The following RALYL variants were observed in gnomAD, a reference collection of about 807,000 sequenced individuals.
RALYL encodes the protein RNA-binding Raly-like protein.
RALYL carries 29 observed loss-of-function variants against 35.1 expected under a neutral mutation model. That is an observed-to-expected ratio of 0.83 (90% confidence interval 0.61 to 1.13). The LOEUF (loss-of-function observed/expected upper bound fraction) is 1.13, where lower values mean the gene tolerates loss of function less well. RALYL is among the 50% of genes most tolerant of loss of function. The pLI is 0.00. For missense variants in RALYL, 359 were observed against 360.4 expected, an observed-to-expected ratio of 1.00 and a Z score of 0.03; for synonymous variants, 120 against 127.6, an observed-to-expected ratio of 0.94 and a Z score of 0.40.
chr8:84,323,703 G>A (rs1050663246), intron 1 of RALYL, among the ~76,000 whole-genome samples: 2 of 151,998 alleles, frequency 1.3e-5, no homozygotes, highest in African/African-American at 4.8e-5. Flanking sequence ...AGAAAATTAT[G>A]GATATCCTAT....
At chr8:84,865,292 T>C (rs1374667359) in intron 6 of RALYL, among the ~76,000 whole-genome samples, 2 of 152,212 alleles carry the variant, frequency 1.3e-5, no homozygotes, top group African/African-American at 4.8e-5. Context: ...AAAGATTTAC[T>C]AAGGTATATA....
rs79923291 is a variant in RALYL, at chr8:84,412,021, C to G, written c.-23-117278C>G. Among the ~76,000 whole-genome samples the G allele has an allele frequency of 4.1e-3, 627 of 151,964 alleles. 5 individuals are homozygous for G. The highest frequency in any genetic ancestry group is 0.014 in the African/African-American group (592 of 41,528). ...ATATACACAAAATGCGTAGAACTGC[C>G]TGCCACATGCTAAGTACTAACAATA... On this transcript the variant is annotated intron_variant, in intron 1 of 8. Coordinates refer to ENST00000521268, the MANE Select transcript of RALYL (RefSeq NM_173848.7).
At chr8:84,396,338 T>C (rs1861749745) in intron 1 of RALYL, among the ~76,000 whole-genome samples, 2 of 152,128 alleles carry the variant, frequency 1.3e-5, no homozygotes, top group South Asian at 4.1e-4. Flanking sequence ...AGATAATTTA[T>C]ATAGTTCTTA....
chr8:84,461,748 A>C (rs1461689790), intron 1 of RALYL, among the ~76,000 whole-genome samples: 1 of 151,734 alleles, frequency 6.6e-6, no homozygotes, highest in Non-Finnish European at 1.5e-5. Flanking sequence ...CGATTTTTTG[A>C]AATAGCCTTC....
chr8:84,802,807 C>T (rs1823656897), intron 3 of RALYL, among the ~76,000 whole-genome samples: 1 of 152,070 alleles, frequency 6.6e-6, no homozygotes, highest in Non-Finnish European at 1.5e-5. Context: ...AGTGTGAGAG[C>T]AGTGTGTAAA....
At chr8:84,505,644 A>G (rs2057105903) in intron 1 of RALYL, among the ~76,000 whole-genome samples, 1 of 151,772 alleles carries the variant, frequency 6.6e-6, no homozygotes, top group Admixed American at 6.6e-5. Flanking sequence ...TTAGGGTATG[A>G]ATGATTCCAT....
At chr8:84,478,568 T>G (rs2053675183) in intron 1 of RALYL, among the ~76,000 whole-genome samples, 2 of 152,162 alleles carry the variant, frequency 1.3e-5, no homozygotes, top group African/African-American at 2.4e-5. Context: ...AAGTTATATC[T>G]GGCCTTACCC....
At chr8:84,817,521 TAACTA>T (rs1056445689) in intron 4 of RALYL, among the ~76,000 whole-genome samples, 10 of 149,098 alleles carry the variant, frequency 6.7e-5, no homozygotes, top group South Asian at 6.3e-4. Context: ...CTTAAGGTAG[TAACTA>T]ATCTTTTATT....
intron 1 of RALYL, among the ~76,000 whole-genome samples, chr8:84,505,128 C>T (rs2057052215): frequency 6.6e-6 from 1 of 152,088 alleles, no homozygotes; most frequent in Non-Finnish European, 1.5e-5. Flanking sequence ...GAACAATACA[C>T]CTGCCTCCAT....
intron 2 of RALYL, among the ~76,000 whole-genome samples, chr8:84,657,891 C>A (rs1010354725): frequency 6.6e-6 from 1 of 152,084 alleles, no homozygotes; most frequent in Non-Finnish European, 1.5e-5. Flanking sequence ...AGATTGCTGT[C>A]CTTTTACTTT....
chr8:84,185,249 C>T (rs1563495008), intron 1 of RALYL: 3 of 568,272 alleles, frequency 5.3e-6, no homozygotes. Context: ...AAAAAAATGC[C>T]TTTTATTTAA....
intron 1 of RALYL, among the ~76,000 whole-genome samples, chr8:84,328,361 C>A (rs542924755): frequency 6.6e-6 from 1 of 152,290 alleles, no homozygotes; most frequent in Non-Finnish European, 1.5e-5. Flanking sequence ...TATGAATACA[C>A]AATAAGCGTC....
chr8:84,509,258 GT>G (rs1176015124), intron 1 of RALYL, among the ~76,000 whole-genome samples: 7 of 152,144 alleles, frequency 4.6e-5, no homozygotes, highest in African/African-American at 1.4e-4. Flanking sequence ...TATTTTCAAT[GT>G]GTCTTTGTAG....
At chr8:84,491,005 T>C (rs2134037674) in intron 1 of RALYL, among the ~76,000 whole-genome samples, 1 of 152,110 alleles carries the variant, frequency 6.6e-6, no homozygotes, top group South Asian at 2.1e-4. Flanking sequence ...ATGAAGAAAG[T>C]ATGAGGAAGC....
intron 2 of RALYL, among the ~76,000 whole-genome samples, chr8:84,665,590 G>A (rs768256449): frequency 1.8e-4 from 27 of 152,038 alleles, no homozygotes; most frequent in Admixed American, 3.3e-4. Context: ...TAGTTTATGT[G>A]CATAGAGGTG....
chr8:84,685,900 G>A (rs1230960720), intron 2 of RALYL, among the ~76,000 whole-genome samples: 1 of 152,130 alleles, frequency 6.6e-6, no homozygotes, highest in Non-Finnish European at 1.5e-5. Context: ...TTAGGAAGTA[G>A]GAGGACAGTG....
intron 2 of RALYL, among the ~76,000 whole-genome samples, chr8:84,682,301 C>T (rs1298010508): frequency 6.6e-6 from 1 of 152,058 alleles, no homozygotes; most frequent in Non-Finnish European, 1.5e-5. Flanking sequence ...CTAAAATTCT[C>T]TTTTTTTGTT....
intron 1 of RALYL, among the ~76,000 whole-genome samples, chr8:84,524,122 A>G (rs1006805300): frequency 6.6e-6 from 1 of 152,192 alleles, no homozygotes; most frequent in Non-Finnish European, 1.5e-5. Flanking sequence ...ACTAGTTTAC[A>G]GTCCCACCAA....
At chr8:84,260,995 T>C (rs1249441791) in intron 1 of RALYL, among the ~76,000 whole-genome samples, 1 of 152,190 alleles carries the variant, frequency 6.6e-6, no homozygotes. Flanking sequence ...ATCTTGAATT[T>C]TTATGATCTA....
Sources: gnomAD v4.1 joint callset for allele counts (sites outside exome capture counted in the v4.1 genomes callset) on GRCh38, gnomAD v4.1.1 for gene constraint, MANE v1.5 for transcripts, NCBI Gene and HGNC (gene_info 2026-07-23, HGNC 2026-07-21) for gene names.